KNDC1: variants seen among roughly 807,000 people sequenced by gnomAD.
KNDC1 encodes the protein kinase non-catalytic C-lobe domain containing 1, also known as kinase non-catalytic C-lobe domain-containing protein 1.
In KNDC1, 106 loss-of-function variants were observed where a neutral mutation model predicts 172.8. The observed-to-expected ratio is 0.61, with a 90% CI of 0.52 to 0.72. KNDC1 has a LOEUF of 0.72. KNDC1 is among the 30% of genes least tolerant of loss of function. The pLI, the probability that KNDC1 is intolerant of heterozygous loss-of-function variation, is 0.00. For missense variants in KNDC1, 2,325 were observed against 2,394.5 expected (o/e 0.97, Z 0.61); for synonymous variants, 1,083 against 1,062.2 (o/e 1.02, Z -0.38).
At chr10:133,200,352 C>A in intron 15 of KNDC1, 23 bp from the exon 16 acceptor site, 1 of 1,559,836 alleles carries the variant, frequency 6.4e-7, no homozygotes, top group Non-Finnish European at 8.7e-7. Flanking sequence ...GAGGTGGGGA[C>A]TGACCTGCAT....
At chr10:133,218,392 C>A (rs1845511661) in intron 26 of KNDC1, among the ~76,000 whole-genome samples, 1 of 152,236 alleles carries the variant, frequency 6.6e-6, no homozygotes, top group Admixed American at 6.5e-5. Context: ...GGACTGCACC[C>A]AAACACTCCT....
chr10:133,222,368 C>T (rs1489518085), intron 29 of KNDC1, among the ~76,000 whole-genome samples: 3 of 152,146 alleles, frequency 2.0e-5, no homozygotes, highest in East Asian at 3.9e-4. Context: ...CGTCCACGTG[C>T]GTATGTGAGC....
chr10:133,215,202 G>A (rs1424001466), intron 26 of KNDC1, among the ~76,000 whole-genome samples: 1 of 152,152 alleles, frequency 6.6e-6, no homozygotes, highest in African/African-American at 2.4e-5. Context: ...CAGGACTCCC[G>A]GCCACGAACC....
intron 3 of KNDC1, among the ~76,000 whole-genome samples, chr10:133,180,818 T>A (rs937162482): frequency 1.3e-5 from 2 of 152,148 alleles, no homozygotes; most frequent in African/African-American, 4.8e-5. Context: ...AGAGGAAAAA[T>A]TAAAACTGCG....
At position 133,163,614 on chromosome 10, in the gene KNDC1, C is replaced by A. The variant is rs1383310055; in HGVS notation, c.102+3045C>A. Reference sequence around the variant, plus strand: ...TATTAGTCCTGTTAGAATCCCACGGCTGAAAAAAATCAGTTGGTCATAAGA... The same window carrying A: ...TATTAGTCCTGTTAGAATCCCACGGATGAAAAAAATCAGTTGGTCATAAGA... On this transcript the variant is annotated intron_variant, in intron 1 of 29. Transcript: ENST00000304613. The surrounding 1 kb of genome is among the most constrained non-coding windows in gnomAD (Gnocchi z 4.4). 6.6e-6 allele frequency among the ~76,000 whole-genome samples: 1 copy of A among 152,046 alleles called. No individual in the cohort carries two copies. Among genetic ancestry groups the A allele is most frequent in the Admixed American group, 6.5e-5 (1 of 15,272 alleles).
At position 133,182,248 on chromosome 10, in the gene KNDC1, CGA is replaced by C. The variant is rs1306950581; in HGVS notation, c.361-1095_361-1094del. On this transcript the variant is annotated intron_variant, in intron 3 of 29. Transcript: ENST00000304613. ...GGAGGTGGGTCTCAGGGTTCTGTGACGATATCTTGAGACCACCCAGGGAGAGG... is the reference window on the plus strand; with the variant it reads ...GGAGGTGGGTCTCAGGGTTCTGTGACTATCTTGAGACCACCCAGGGAGAGG... Among the ~76,000 whole-genome samples the C allele has an allele frequency of 3.9e-5, 6 of 152,190 alleles. No individual in the cohort carries two copies. The East Asian group carries it at 5.8e-4, about 15-fold the overall frequency.
chr10:133,206,376 T>A (rs1845194058), intron 17 of KNDC1, among the ~76,000 whole-genome samples: 1 of 152,240 alleles, frequency 6.6e-6, no homozygotes, highest in South Asian at 2.1e-4. Flanking sequence ...GGCCTGGTGC[T>A]GACTTGGTGG....
intron 23 of KNDC1, among the ~76,000 whole-genome samples, chr10:133,212,431 C>G (rs1845387696): frequency 6.6e-6 from 1 of 152,236 alleles, no homozygotes; most frequent in Admixed American, 6.5e-5. Flanking sequence ...CTCATTGACC[C>G]ACGGGCCAGA....
intron 5 of KNDC1, among the ~76,000 whole-genome samples, chr10:133,184,427 G>C (rs113257096): frequency 1.5e-5 from 2 of 132,098 alleles, no homozygotes; most frequent in South Asian, 2.5e-4. Context: ...CACACATTCA[G>C]AGATCACACA....
chr10:133,167,965 G>T (rs1239906869), intron 2 of KNDC1, among the ~76,000 whole-genome samples: 1 of 152,226 alleles, frequency 6.6e-6, no homozygotes, highest in African/African-American at 2.4e-5. Context: ...TGGGTCAGCT[G>T]CTCCCACTGC....
rs1853923196 is a variant in KNDC1, at chr10:133,186,509, TG to T, written c.1165del (p.Val389CysfsTer134). 6.2e-7 allele frequency: 1 copy of T among 1,612,308 alleles called. No homozygotes were observed. Among genetic ancestry groups the T allele is most frequent in the Non-Finnish European group, 8.5e-7 (1 of 1,179,772 alleles). On this transcript the variant is annotated frameshift_variant, in exon 6 of 30. Coordinates refer to ENST00000304613, the MANE Select transcript of KNDC1 (RefSeq NM_152643.8). LOFTEE classifies it high-confidence loss of function. ...CAGRSTDRGP[G>X]VPGSPGQPET... ...CAGGCCGCAGCACGGACAGGGGCCC[TG>T]GGGTGCCCGGCAGTCCAGGACAGCC...
intron 13 of KNDC1, 28 bp from the exon 14 acceptor site, chr10:133,198,550 C>G (rs754265719): frequency 1.9e-6 from 3 of 1,577,618 alleles, no homozygotes; most frequent in African/African-American, 2.7e-5. Context: ...GCGCAGGCAG[C>G]CCCTCCTGAG....
rs534443428 is a variant in KNDC1 at position 133,165,888 on chromosome 10, TAGAA to T, written c.103-1489_103-1486del. Among the ~76,000 whole-genome samples, 1,391 of 152,156 alleles carry T rather than the reference TAGAA, an allele frequency of 9.1e-3. 10 individuals carry two copies. The highest frequency in any genetic ancestry group is 0.033 in the South Asian group (159 of 4,826). On this transcript the variant is annotated intron_variant, in intron 1 of 29. Transcript: ENST00000304613. Reference sequence around the variant, plus strand: ...GAATGGGGCAGGGAGATTCCCGCCATAGAAAGAGCTGGAAGGGCCTGGGAAATGA... The same window carrying T: ...GAATGGGGCAGGGAGATTCCCGCCATAGAGCTGGAAGGGCCTGGGAAATGA...
intron 29 of KNDC1, among the ~76,000 whole-genome samples, chr10:133,221,183 G>A (rs1845581318): frequency 6.6e-6 from 1 of 152,046 alleles, no homozygotes; most frequent in Admixed American, 6.5e-5. Context: ...GGGTGCCACA[G>A]TGTCCCTGCT....
chr10:133,172,893 C>T (rs1203961350), intron 3 of KNDC1, among the ~76,000 whole-genome samples: 1 of 152,160 alleles, frequency 6.6e-6, no homozygotes, highest in Admixed American at 6.5e-5. Context: ...GCCCCAGCCG[C>T]TCAGGAGGCT....
rs957633413 is a variant in KNDC1 at position 133,209,880 on chromosome 10, CCGT to C, written c.3795-728_3795-726del. 2.6e-5 allele frequency among the ~76,000 whole-genome samples: 4 copies of C among 152,084 alleles called. No individual in the cohort carries two copies. The highest frequency in any genetic ancestry group is 5.9e-5 in the Non-Finnish European group (4 of 67,998). Reference sequence around the variant, plus strand: ...CCAGGCCTCCGCTTCCTGACCGTGGCCGTCGGGCTCCCAGGACAGTCCCAGACC... The same window carrying C: ...CCAGGCCTCCGCTTCCTGACCGTGGCCGGGCTCCCAGGACAGTCCCAGACC... On this transcript the variant is annotated intron_variant, in intron 20 of 29. Coordinates refer to ENST00000304613, the MANE Select transcript of KNDC1 (RefSeq NM_152643.8). This position sits in a 1 kb window ranked among gnomAD's most constrained non-coding sequence, Gnocchi z 4.9.
At chr10:133,198,054 C>A (rs1026049239) in intron 12 of KNDC1, among the ~76,000 whole-genome samples, 13 of 152,140 alleles carry the variant, frequency 8.5e-5, no homozygotes. Context: ...CCACACAGAG[C>A]CCACCCCACC....
chr10:133,201,835 C>T lies in KNDC1; in HGVS notation c.3324C>T (p.His1108=), dbSNP rs2136003003. The change falls in exon 17 of 30, where the codon CAC becomes CAT. Residue 1108 remains histidine (H), a synonymous_variant. Transcript: ENST00000304613. The part of the protein sequence containing the change: ...YEADCFGADV[H]NYVKDLGRQQ... ...CCGACTGCTTCGGGGCCGACGTCCA[C>T]AACTACGTGAAGGACCTGGGGCGGC... 3 of 1,489,110 alleles carry T rather than the reference C, an allele frequency of 2.0e-6. No individual in the cohort carries two copies. The highest frequency in any genetic ancestry group is 1.4e-5 in the African/African-American group (1 of 71,310). 92.2% of individuals were successfully genotyped at this position (1,489,110 alleles called of 1,614,324 possible). A position where few individuals can be genotyped will look rare whatever the true frequency, so the allele number is the denominator to read the frequency against.
At position 133,182,596 on chromosome 10, in the gene KNDC1, G is replaced by A. The variant is rs562208950; in HGVS notation, c.361-748G>A. 2.8e-4 allele frequency among the ~76,000 whole-genome samples: 43 copies of A among 152,392 alleles called. 1 individual carries two copies. Among genetic ancestry groups the A allele is most frequent in the African/African-American group, 8.2e-4 (34 of 41,592 alleles). ...AAGTGTCCAGGCCTGAAGTGCGGCC[G>A]TGTCCAGGGTGGACCTCGTGCAGAG... On this transcript the variant is annotated intron_variant, in intron 3 of 29. Coordinates refer to ENST00000304613, the MANE Select transcript of KNDC1 (RefSeq NM_152643.8).
Sources: gnomAD v4.1 joint callset for allele counts (sites outside exome capture counted in the v4.1 genomes callset) on GRCh38, gnomAD v4.1.1 for gene constraint, Gnocchi (gnomAD v3.1) non-coding constraint, MANE v1.5 for transcripts, NCBI Gene and HGNC (gene_info 2026-07-23, HGNC 2026-07-21) for gene names.